The following CSMD1 variants were observed in gnomAD, a reference collection of about 807,000 sequenced individuals.
CSMD1 encodes CUB and sushi domain-containing protein 1.
In CSMD1, 213 loss-of-function variants were observed where a neutral mutation model predicts 417.5. The ratio of observed to expected loss-of-function variants is 0.51; its 90% CI spans 0.46 to 0.57. The LOEUF is 0.57. Among genes scored for constraint, CSMD1 ranks in the 20% least tolerant of loss-of-function variants. The pLI is 0.00. For missense variants in CSMD1, 6,923 were observed against 4,529.7 expected, an observed-to-expected ratio of 1.53 and a Z score of -15.17; for synonymous variants, 2,862 against 1,736.8, an observed-to-expected ratio of 1.65 and a Z score of -16.11.
intron 1 of CSMD1, among the ~76,000 whole-genome samples, chr8:4,747,704 A>G (rs1016887949): frequency 6.6e-6 from 1 of 152,110 alleles, no homozygotes; most frequent in African/African-American, 2.4e-5. Flanking sequence ...ACCTACCATC[A>G]TCCTGGTCTC....
chr8:3,621,963 G>GTC (rs369112174), intron 7 of CSMD1, among the ~76,000 whole-genome samples: 7 of 145,820 alleles, frequency 4.8e-5, no homozygotes, highest in East Asian at 2.1e-4. Context: ...TCTGTCTTAT[G>GTC]TCTCTCTCTC....
intron 16 of CSMD1, among the ~76,000 whole-genome samples, chr8:3,397,394 T>C (rs1259898961): frequency 6.6e-6 from 1 of 152,204 alleles, no homozygotes; most frequent in African/African-American, 2.4e-5. Context: ...AAGGGCTGTG[T>C]CCTGTATACA....
chr8:4,704,882 G>A (rs547265942), intron 1 of CSMD1, among the ~76,000 whole-genome samples: 23 of 152,142 alleles, frequency 1.5e-4, no homozygotes, highest in Non-Finnish European at 3.1e-4. Context: ...AAAACCCTAT[G>A]GTAAAGAAAA....
chr8:3,983,193 C>T (rs931033269), intron 5 of CSMD1, among the ~76,000 whole-genome samples: 14 of 146,826 alleles, frequency 9.5e-5, no homozygotes, highest in Non-Finnish European at 1.8e-4. Context: ...TGCAGTGGCG[C>T]GATCTCAGCT....
chr8:4,920,540 G>C (rs1227675436), intron 1 of CSMD1, among the ~76,000 whole-genome samples: 1 of 152,166 alleles, frequency 6.6e-6, no homozygotes, highest in African/African-American at 2.4e-5. Context: ...ACAATGGTGA[G>C]GCCAGGCACA....
At chr8:3,926,090 C>CACACACACACACACACAAACACCAT (rs1809673104) in intron 5 of CSMD1, among the ~76,000 whole-genome samples, 1 of 41,594 alleles carries the variant, frequency 2.4e-5, no homozygotes, top group African/African-American at 2.7e-4. Flanking sequence ...CATACACACA[C>CACACACACACACACACAAACACCAT]ACACACACAC....
chr8:4,623,400 C>A (rs149159583), intron 2 of CSMD1, among the ~76,000 whole-genome samples: 1 of 152,118 alleles, frequency 6.6e-6, no homozygotes, highest in African/African-American at 2.4e-5. Flanking sequence ...TAAAATGGGA[C>A]TACCAGATTA....
intron 27 of CSMD1, among the ~76,000 whole-genome samples, chr8:3,226,571 G>C (rs1798515765): frequency 7.6e-6 from 1 of 131,856 alleles, no homozygotes; most frequent in East Asian, 2.4e-4. Flanking sequence ...GACAGAGCAA[G>C]ACTCTGTCTC....
At position 3,237,782 on chromosome 8, in the gene CSMD1, CT is replaced by C. The variant is rs1563171725; in HGVS notation, c.4154-7552del. Among the ~76,000 whole-genome samples, 56 of 110,984 alleles carry C rather than the reference CT, an allele frequency of 5.0e-4. 1 individual carries two copies. The highest frequency in any genetic ancestry group is 8.0e-4 in the South Asian group (3 of 3,748). 72.8% of individuals were successfully genotyped at this position (110,984 alleles called of 152,430 possible). ...TACAAATATAATTTTTATAATTATA[CT>C]TATACTACAAGTATAATTTTTATAA... On this transcript the variant is annotated intron_variant, in intron 26 of 69. Coordinates refer to ENST00000635120, the MANE Select transcript of CSMD1 (RefSeq NM_033225.6).
intron 3 of CSMD1, among the ~76,000 whole-genome samples, chr8:4,047,862 T>C (rs571421454): frequency 2.6e-5 from 4 of 152,144 alleles, no homozygotes; most frequent in Non-Finnish European, 5.9e-5. Context: ...GAGGATCAGA[T>C]CTAATAATAA....
At chr8:3,685,736 T>C (rs988598582) in intron 7 of CSMD1, among the ~76,000 whole-genome samples, 2 of 152,076 alleles carry the variant, frequency 1.3e-5, no homozygotes, top group African/African-American at 4.8e-5. Flanking sequence ...TCTTTCTTTT[T>C]TTTTATAACA....
At chr8:4,138,006 T>A (rs1012329409) in intron 3 of CSMD1, among the ~76,000 whole-genome samples, 3 of 145,638 alleles carry the variant, frequency 2.1e-5, no homozygotes, top group African/African-American at 7.5e-5. Flanking sequence ...GCCTCCAGAG[T>A]AGCTGCGACT....
intron 3 of CSMD1, among the ~76,000 whole-genome samples, chr8:4,280,096 T>G (rs1796697937): frequency 6.6e-6 from 1 of 152,236 alleles, no homozygotes; most frequent in Non-Finnish European, 1.5e-5. Context: ...TAACTCTGTT[T>G]TGTATGCTCT....
chr8:4,630,751 G>C (rs1032656448), intron 2 of CSMD1, among the ~76,000 whole-genome samples: 1 of 152,214 alleles, frequency 6.6e-6, no homozygotes, highest in South Asian at 2.1e-4. Flanking sequence ...TGTTGAACCA[G>C]GTTTCTAAGC....
At chr8:3,818,649 C>G (rs1405422624) in intron 5 of CSMD1, among the ~76,000 whole-genome samples, 1 of 152,170 alleles carries the variant, frequency 6.6e-6, no homozygotes, top group Admixed American at 6.5e-5. Flanking sequence ...GGATGCCCGG[C>G]ATCGTCTGAT....
chr8:4,033,328 G>A (rs900061363), intron 3 of CSMD1, among the ~76,000 whole-genome samples: 3 of 152,022 alleles, frequency 2.0e-5, no homozygotes, highest in Non-Finnish European at 4.4e-5. Context: ...TGTAGTCCCA[G>A]CTACTTGGGA....
intron 1 of CSMD1, chr8:4,787,590 T>C: frequency 1.3e-6 from 2 of 1,534,076 alleles, no homozygotes; most frequent in South Asian, 1.1e-5. Flanking sequence ...CAGTGCGAAA[T>C]GATTCCAATT....
chr8:3,941,667 G>A (rs570845865), intron 5 of CSMD1, among the ~76,000 whole-genome samples: 18 of 152,156 alleles, frequency 1.2e-4, no homozygotes, highest in East Asian at 3.9e-4. Flanking sequence ...GCAAGCCCAC[G>A]CAGAGTTTGA....
At chr8:4,646,977 G>T (rs567916446) in intron 1 of CSMD1, among the ~76,000 whole-genome samples, 1 of 152,106 alleles carries the variant, frequency 6.6e-6, no homozygotes, top group African/African-American at 2.4e-5. Context: ...CTCTCTCCCG[G>T]GATGTGGACC....
Sources: gnomAD v4.1 joint callset for allele counts (sites outside exome capture counted in the v4.1 genomes callset) on GRCh38, gnomAD v4.1.1 for gene constraint, MANE v1.5 for transcripts, NCBI Gene and HGNC (gene_info 2026-07-23, HGNC 2026-07-21) for gene names.